Variants in ATP6V0D2 observed in about 807,000 individuals in gnomAD.
The protein encoded by ATP6V0D2 is V-type proton ATPase subunit d 2.
ATP6V0D2 carries 40 observed loss-of-function variants against 40.0 expected under a neutral mutation model. The observed-to-expected ratio is 1.00, with a 90% CI of 0.78 to 1.30. The LOEUF is 1.30. Among genes scored for constraint, ATP6V0D2 ranks in the 50% most tolerant of loss-of-function variants. The pLI is 0.00. For missense variants in ATP6V0D2, 470 were observed against 423.1 expected (o/e 1.11, Z -0.97); for synonymous variants, 179 against 156.3 (o/e 1.15, Z -1.08).
chr8:86,150,987 G>A (rs144470882), intron 6 of ATP6V0D2, among the ~76,000 whole-genome samples: 52 of 152,294 alleles, frequency 3.4e-4, no homozygotes, highest in East Asian at 2.7e-3. Flanking sequence ...CAGCAAATGC[G>A]TAACCCTTGT....
intron 6 of ATP6V0D2, among the ~76,000 whole-genome samples, chr8:86,151,249 C>T (rs958232750): frequency 6.6e-6 from 1 of 151,954 alleles, no homozygotes; most frequent in Non-Finnish European, 1.5e-5. Flanking sequence ...GCCTTGTAGC[C>T]CTGAACAAGC....
At chr8:86,132,408 C>T (rs1025201725) in intron 2 of ATP6V0D2, among the ~76,000 whole-genome samples, 1 of 152,110 alleles carries the variant, frequency 6.6e-6, no homozygotes, top group African/African-American at 2.4e-5. Context: ...TTATGTCTAA[C>T]TATAGAACTT....
At chr8:86,124,273 T>C (rs541076384) in intron 2 of ATP6V0D2, among the ~76,000 whole-genome samples, 1 of 152,354 alleles carries the variant, frequency 6.6e-6, no homozygotes, top group East Asian at 1.9e-4. Flanking sequence ...ACTGGCGCTA[T>C]TCTGCCAAAG....
At chr8:86,145,349 AGAAG>A (rs376086337) in intron 5 of ATP6V0D2, among the ~76,000 whole-genome samples, 5,481 of 83,528 alleles carry the variant, frequency 0.066, 331 homozygotes, top group Non-Finnish European at 0.086. Context: ...AAAGAAGGAA[AGAAG>A]GAAGGAAGGA....
At chr8:86,123,988 A>G (rs1818707290) in intron 2 of ATP6V0D2, among the ~76,000 whole-genome samples, 1 of 152,152 alleles carries the variant, frequency 6.6e-6, no homozygotes, top group Non-Finnish European at 1.5e-5. Flanking sequence ...CAAACTTTGC[A>G]TAATATTTAA....
At position 86,147,921 on chromosome 8, in the gene ATP6V0D2, T is replaced by C. The variant is rs114192444; in HGVS notation, c.640-2191T>C. On this transcript the variant is annotated intron_variant, in intron 5 of 7. Coordinates refer to ENST00000285393, the MANE Select transcript of ATP6V0D2 (RefSeq NM_152565.1). Reference sequence around the variant, plus strand: ...TACTGTATCAGCCAAAGCCCTTTCTTCTTATATTCATATTCTCTCCCCAGC... The same window carrying C: ...TACTGTATCAGCCAAAGCCCTTTCTCCTTATATTCATATTCTCTCCCCAGC... Among the ~76,000 whole-genome samples, 1,479 of 152,238 alleles carry C rather than the reference T, an allele frequency of 9.7e-3. 21 individuals are homozygous for C. The highest frequency in any genetic ancestry group is 0.034 in the African/African-American group (1,397 of 41,542).
intron 1 of ATP6V0D2, among the ~76,000 whole-genome samples, chr8:86,101,965 T>C (rs1249875484): frequency 6.6e-6 from 1 of 152,194 alleles, no homozygotes; most frequent in Non-Finnish European, 1.5e-5. Flanking sequence ...TAGGTTATCA[T>C]GACTGCTGAG....
intron 5 of ATP6V0D2, among the ~76,000 whole-genome samples, chr8:86,145,180 GA>G (rs1819031251): frequency 9.4e-6 from 1 of 106,072 alleles, no homozygotes; most frequent in African/African-American, 3.9e-5. Flanking sequence ...GAGAGAAAGA[GA>G]GAAAGAAAGA....
At chr8:86,139,385 G>A (rs1818942478) in intron 2 of ATP6V0D2, 72 bp from the exon 3 acceptor site, 1 of 1,352,960 alleles carries the variant, frequency 7.4e-7, no homozygotes, top group Non-Finnish European at 1.0e-6. Flanking sequence ...AAGAGTGTGT[G>A]TTTTTTACTT....
Position 86,151,472 on chromosome 8 carries a change from A to C in ATP6V0D2, c.823A>C (p.Lys275Gln), listed in dbSNP as rs140824242. The change falls in exon 7 of 8, where the codon AAA (lysine) becomes CAA (glutamine). Residue 275 changes from lysine (K) to glutamine (Q), a missense_variant. Coordinates refer to ENST00000285393, the MANE Select transcript of ATP6V0D2 (RefSeq NM_152565.1). The part of the protein sequence containing the change: ...KNVADHYGVY[K>Q]PLFEAVGGSG... ...TAATGTCTTTGTTTTTAAGGTATACAAACCTTTATTTGAAGCTGTAGGTGG... is the reference window on the plus strand; with the variant it reads ...TAATGTCTTTGTTTTTAAGGTATACCAACCTTTATTTGAAGCTGTAGGTGG... 5 of 1,601,794 alleles carry C rather than the reference A, an allele frequency of 3.1e-6. No individual in the cohort carries two copies. In the South Asian group the frequency reaches 5.7e-5, roughly 18 times the overall value.
chr8:86,103,901 C>T (rs923865697), intron 1 of ATP6V0D2, among the ~76,000 whole-genome samples: 1 of 152,160 alleles, frequency 6.6e-6, no homozygotes, highest in Non-Finnish European at 1.5e-5. Context: ...TCTCGGCTCA[C>T]TGCAACCTCT....
At chr8:86,106,913 G>A (rs1818476456) in intron 1 of ATP6V0D2, among the ~76,000 whole-genome samples, 1 of 152,138 alleles carries the variant, frequency 6.6e-6, no homozygotes, top group Middle Eastern at 3.4e-3. Context: ...GCTCATGTTT[G>A]TAATCCTAGC....
intron 1 of ATP6V0D2, among the ~76,000 whole-genome samples, chr8:86,112,701 C>T (rs7016268): frequency 0.51 from 77,643 of 151,710 alleles, 20,220 homozygotes; most frequent in Non-Finnish European, 0.57. Flanking sequence ...TCAGCATTTA[C>T]TGAAGTATGG....
chr8:86,153,057 A>AT lies in ATP6V0D2; in HGVS notation c.*82dup. ...AAGAAAATAAAAGAAATTATGTTAT[A>AT]TTATCTAGACTACACAAAAGTAAGC... On this transcript the variant is annotated 3_prime_UTR_variant, in exon 8 of 8. Coordinates refer to ENST00000285393, the MANE Select transcript of ATP6V0D2 (RefSeq NM_152565.1). The AT allele has an allele frequency of 7.8e-7, 1 of 1,282,766 alleles. No homozygotes were observed. The highest frequency in any genetic ancestry group is 1.0e-6 in the Non-Finnish European group (1 of 956,268). 79.5% of individuals were successfully genotyped at this position (1,282,766 alleles called of 1,614,324 possible).
At chr8:86,151,001 A>G (rs1819141871) in intron 6 of ATP6V0D2, among the ~76,000 whole-genome samples, 1 of 152,246 alleles carries the variant, frequency 6.6e-6, no homozygotes, top group African/African-American at 2.4e-5. Context: ...CCCTTGTGAC[A>G]TCTCATATGT....
chr8:86,118,756 T>C (rs1818629137), intron 2 of ATP6V0D2, among the ~76,000 whole-genome samples: 1 of 152,120 alleles, frequency 6.6e-6, no homozygotes, highest in African/African-American at 2.4e-5. Context: ...CTAGACAACA[T>C]TTACAGAATA....
chr8:86,142,730 T>C (rs1320046929), intron 4 of ATP6V0D2, 147 bp from the exon 5 acceptor site: 3 of 509,240 alleles, frequency 5.9e-6, no homozygotes, highest in Non-Finnish European at 1.0e-5. Context: ...TGAAAGCTTC[T>C]ACCAAATTTA....
At position 86,113,799 on chromosome 8, in the gene ATP6V0D2, T is replaced by C; in HGVS notation, c.221T>C (p.Met74Thr). ...PLTVSKIDTEMRKRLCGEFEY... is the reference protein window; with the variant it reads ...PLTVSKIDTETRKRLCGEFEY... ...ACTGTTTCCAAAATTGACACTGAGA[T>C]GAGGAAAAGACTATGTGGAGAATTT... The change falls in exon 2 of 8, where the codon ATG becomes ACG. Residue 74 changes from methionine (M) to threonine (T), a missense_variant. Met to Thr is a moderately conservative substitution (Grantham distance 81). Coordinates refer to ENST00000285393, the MANE Select transcript of ATP6V0D2 (RefSeq NM_152565.1). The C allele has an allele frequency of 6.2e-7, 1 of 1,614,016 alleles. No homozygotes were observed. Among genetic ancestry groups the C allele is most frequent in the Non-Finnish European group, 8.5e-7 (1 of 1,179,932 alleles).
intron 1 of ATP6V0D2, among the ~76,000 whole-genome samples, chr8:86,113,160 A>G (rs1305805648): frequency 1.3e-5 from 2 of 151,452 alleles, no homozygotes; most frequent in Non-Finnish European, 2.9e-5. Context: ...TCTGCTAAAT[A>G]ATACCAGATT....
Sources: allele counts gnomAD v4.1 joint callset (sites outside exome capture counted in the v4.1 genomes callset), GRCh38; gene constraint gnomAD v4.1.1; transcripts MANE v1.5; gene names NCBI Gene and HGNC (gene_info 2026-07-23, HGNC 2026-07-21).